The following ZC3H3 variants were observed in gnomAD, a reference collection of about 807,000 sequenced individuals.
ZC3H3 encodes zinc finger CCCH domain-containing protein 3.
Under a neutral mutation model 77.3 loss-of-function variants are expected in ZC3H3, and 36 were observed. The observed-to-expected ratio is 0.47, with a 90% confidence interval of 0.36 to 0.61. ZC3H3 has a LOEUF of 0.61. Ranked by LOEUF, ZC3H3 falls within the 20% of genes least tolerant of loss-of-function variation. ZC3H3 has a pLI of 0.00. For missense variants in ZC3H3, 1,331 were observed against 1,312.2 expected, an observed-to-expected ratio of 1.01 and a Z score of -0.22; for synonymous variants, 626 against 555.2, an observed-to-expected ratio of 1.13 and a Z score of -1.79.
intron 9 of ZC3H3, among the ~76,000 whole-genome samples, chr8:143,446,464 GAGTC>G (rs972350412): frequency 1.2e-4 from 19 of 152,226 alleles, no homozygotes; most frequent in African/African-American, 4.3e-4. Flanking sequence ...AATTCCCTCT[GAGTC>G]AGTAAGAATC....
chr8:143,441,774 G>A lies in ZC3H3; in HGVS notation c.2308-654C>T, dbSNP rs543128331. ...CCCAGCCTGGCCTGTGGTGCAGGGC[G>A]CCCAGCCTGCCCTTCCTCTGCCCAC... On this transcript the variant is annotated intron_variant, in intron 9 of 11. Transcript: ENST00000262577. Among the ~76,000 whole-genome samples the A allele has an allele frequency of 5.9e-5, 9 of 152,192 alleles. No individual in the cohort carries two copies. The East Asian group carries it at 1.4e-3, about 23-fold the overall frequency.
intron 9 of ZC3H3, among the ~76,000 whole-genome samples, chr8:143,449,813 T>TTTAGAA (rs1386012980): frequency 6.6e-6 from 1 of 152,110 alleles, no homozygotes; most frequent in South Asian, 2.1e-4. Context: ...AGTTCAAAGT[T>TTTAGAA]CCACAGATCC....
intron 4 of ZC3H3, chr8:143,484,780 AG>A (rs960641364): frequency 5.3e-6 from 2 of 379,510 alleles, no homozygotes; most frequent in Non-Finnish European, 1.0e-5. Flanking sequence ...TAGGCCCTCA[AG>A]GACCCCTCAG....
chr8:143,439,346 C>T (rs1042770220), intron 11 of ZC3H3, among the ~76,000 whole-genome samples: 2 of 152,170 alleles, frequency 1.3e-5, no homozygotes, highest in Admixed American at 1.3e-4. Flanking sequence ...ATTAACGTTA[C>T]GACCGTGAAA....
intron 9 of ZC3H3, among the ~76,000 whole-genome samples, chr8:143,450,696 A>G (rs1197675991): frequency 6.6e-6 from 1 of 152,118 alleles, no homozygotes; most frequent in Non-Finnish European, 1.5e-5. Flanking sequence ...ACACACTTTT[A>G]AACAGCCAGA....
At chr8:143,528,357 C>T (rs996861570) in intron 3 of ZC3H3, among the ~76,000 whole-genome samples, 5 of 152,248 alleles carry the variant, frequency 3.3e-5, no homozygotes, top group Non-Finnish European at 7.3e-5. Context: ...GGCCACGCCT[C>T]GGCCAGGCAG....
At chr8:143,466,773 C>T (rs1453992434) in intron 8 of ZC3H3, among the ~76,000 whole-genome samples, 1 of 152,200 alleles carries the variant, frequency 6.6e-6, no homozygotes, top group African/African-American at 2.4e-5. Context: ...TATTCCCGCT[C>T]CCCTCCCAGG....
chr8:143,535,994 C>G (rs959983567), intron 3 of ZC3H3, among the ~76,000 whole-genome samples: 6 of 152,220 alleles, frequency 3.9e-5, no homozygotes, highest in African/African-American at 1.4e-4. Context: ...TCAGGAGGGA[C>G]ACAGCTGGGT....
intron 4 of ZC3H3, among the ~76,000 whole-genome samples, chr8:143,489,686 G>A (rs892788666): frequency 4.6e-5 from 7 of 152,244 alleles, no homozygotes; most frequent in East Asian, 1.9e-4. Flanking sequence ...TACTATTAAT[G>A]TAGTTAATGC....
intron 9 of ZC3H3, among the ~76,000 whole-genome samples, chr8:143,448,816 G>A (rs1013999286): frequency 6.6e-6 from 1 of 152,260 alleles, no homozygotes; most frequent in Non-Finnish European, 1.5e-5. Flanking sequence ...AGTTCTCTAT[G>A]AGGGCTTGAC....
chr8:143,485,224 G>T (rs1472731396), intron 4 of ZC3H3, among the ~76,000 whole-genome samples: 1 of 152,224 alleles, frequency 6.6e-6, no homozygotes, highest in Non-Finnish European at 1.5e-5. Context: ...GATCTGAAGT[G>T]TTTGTTGTGT....
At chr8:143,537,916 C>T (rs926273326) in intron 2 of ZC3H3, 87 bp downstream of exon 2, 2 of 1,313,104 alleles carry the variant, frequency 1.5e-6, no homozygotes, top group South Asian at 2.8e-5. Flanking sequence ...GCAGGCAAAG[C>T]TCCGAGCTCA....
At chr8:143,464,956 C>T (rs889194157) in intron 9 of ZC3H3, among the ~76,000 whole-genome samples, 1 of 138,000 alleles carries the variant, frequency 7.2e-6, no homozygotes, top group African/African-American at 3.0e-5. Flanking sequence ...GGACCAGGCC[C>T]ACTGGAGATG....
rs1307457627 is a variant in ZC3H3 at position 143,456,531 on chromosome 8, CA to C, written c.2307+9185del. On this transcript the variant is annotated intron_variant, in intron 9 of 11. Transcript: ENST00000262577. ...ATATCAGAAAAAGATGACTTCAAAG[CA>C]AAGAAAATCATCAGAGACAGAAACA... is the stretch of plus-strand genomic sequence containing the variant. Among the ~76,000 whole-genome samples the C allele has an allele frequency of 5.3e-5, 8 of 152,110 alleles. No individual in the cohort carries two copies. In the East Asian group the frequency reaches 1.5e-3, roughly 29 times the overall value.
At chr8:143,449,643 C>G (rs143414716) in intron 9 of ZC3H3, among the ~76,000 whole-genome samples, 2,306 of 152,236 alleles carry the variant, frequency 0.015, 50 homozygotes, top group African/African-American at 0.051. Context: ...GAGGCTGAGG[C>G]AGGAGAATTG....
rs575349838 is a variant in ZC3H3 at position 143,469,771 on chromosome 8, C to T, written c.1904-1112G>A. 2.0e-4 allele frequency among the ~76,000 whole-genome samples: 30 copies of T among 152,272 alleles called. No homozygotes were observed. The East Asian group carries it at 5.0e-3, about 26-fold the overall frequency. Reference sequence around the variant, plus strand: ...TACAGACAGAGGTCACCCAGGATCACGGGGTGGGCAGGGCAGGACCAGCCT... The same window carrying T: ...TACAGACAGAGGTCACCCAGGATCATGGGGTGGGCAGGGCAGGACCAGCCT... On this transcript the variant is annotated intron_variant, in intron 5 of 11. Transcript: ENST00000262577.
chr8:143,528,460 C>A (rs1157596527), intron 3 of ZC3H3, among the ~76,000 whole-genome samples: 1 of 152,226 alleles, frequency 6.6e-6, no homozygotes, highest in Non-Finnish European at 1.5e-5. Flanking sequence ...CCACGGCCAG[C>A]CTCCCGGGGA....
chr8:143,442,527 G>T (rs749189769), intron 9 of ZC3H3, among the ~76,000 whole-genome samples: 1 of 152,130 alleles, frequency 6.6e-6, no homozygotes, highest in Non-Finnish European at 1.5e-5. Context: ...CGGGCGTGGG[G>T]GTGTGCAGGT....
chr8:143,499,992 G>A (rs757824395), intron 4 of ZC3H3, among the ~76,000 whole-genome samples: 15 of 151,978 alleles, frequency 9.9e-5, no homozygotes, highest in Non-Finnish European at 1.5e-4. Context: ...CCAGAGCAGC[G>A]GCCGGGCTGC....
Sources: gnomAD v4.1 joint callset for allele counts (sites outside exome capture counted in the v4.1 genomes callset) on GRCh38, gnomAD v4.1.1 for gene constraint, MANE v1.5 for transcripts, NCBI Gene and HGNC (gene_info 2026-07-23, HGNC 2026-07-21) for gene names.